The following FBXL17 variants were observed in gnomAD, a reference collection of about 807,000 sequenced individuals.
FBXL17 encodes the protein F-box/LRR-repeat protein 17.
A neutral mutation model predicts 66.2 loss-of-function variants in FBXL17; 22 were observed. The observed-to-expected ratio is 0.33, with a 90% CI of 0.24 to 0.47. The LOEUF (loss-of-function observed/expected upper bound fraction) is 0.47. Among genes scored for constraint, FBXL17 ranks in the 20% least tolerant of loss-of-function variants. FBXL17 has a pLI of 1.00. For synonymous variants in FBXL17, 474 were observed against 400.5 expected (o/e 1.18, Z -2.19); for missense variants, 878 against 948.2 (o/e 0.93, Z 0.97).
chr5:108,341,931 T>C (rs1746907401), intron 4 of FBXL17, among the ~76,000 whole-genome samples: 1 of 152,192 alleles, frequency 6.6e-6, no homozygotes, highest in South Asian at 2.1e-4. Context: ...ACTTACTATT[T>C]ATAGGATTTT....
intron 6 of FBXL17, among the ~76,000 whole-genome samples, chr5:108,170,506 A>G (rs1199178897): frequency 1.3e-5 from 2 of 152,188 alleles, no homozygotes; most frequent in African/African-American, 4.8e-5. Context: ...TTACATATAT[A>G]CCATAGAAGT....
In FBXL17 at chr5:107,980,664, A is replaced by ATATATATTTTTT; in HGVS notation, c.1822+40260_1822+40261insAAAAAATATATA. On this transcript the variant is annotated intron_variant, in intron 7 of 8. Coordinates refer to ENST00000542267, the MANE Select transcript of FBXL17 (RefSeq NM_001163315.3). ...TAAAATAATATATATATATATATAT[A>ATATATATTTTTT]TTTTTTTTTTGAGATGGAGTCTTGC... 2.1e-4 allele frequency among the ~76,000 whole-genome samples: 13 copies of ATATATATTTTTT among 62,074 alleles called. 2 individuals are homozygous for ATATATATTTTTT. The highest frequency in any genetic ancestry group is 1.1e-3 in the African/African-American group (11 of 9,752). 40.7% of individuals were successfully genotyped at this position (62,074 alleles called of 152,430 possible).
chr5:108,124,531 C>T (rs1750623304), intron 6 of FBXL17, among the ~76,000 whole-genome samples: 2 of 151,996 alleles, frequency 1.3e-5, no homozygotes, highest in African/African-American at 4.8e-5. Context: ...CATTTAAGCC[C>T]AGGAATGACT....
intron 7 of FBXL17, among the ~76,000 whole-genome samples, chr5:107,891,498 A>G (rs1027321234): frequency 1.3e-5 from 2 of 152,196 alleles, no homozygotes; most frequent in Middle Eastern, 3.2e-3. Context: ...GCAATTATCC[A>G]AGCAAGAAGT....
chr5:108,048,581 A>T (rs775939620), intron 6 of FBXL17, among the ~76,000 whole-genome samples: 3 of 152,240 alleles, frequency 2.0e-5, no homozygotes, highest in Non-Finnish European at 4.4e-5. Context: ...AGGAGCTGCT[A>T]ACTAGAATAC....
chr5:108,135,772 T>G (rs1751109489), intron 6 of FBXL17, among the ~76,000 whole-genome samples: 1 of 152,152 alleles, frequency 6.6e-6, no homozygotes, highest in African/African-American at 2.4e-5. Flanking sequence ...AGATGGTTAT[T>G]TCCTCTCCAA....
intron 4 of FBXL17, among the ~76,000 whole-genome samples, chr5:108,291,561 T>C (rs1226215714): frequency 6.6e-6 from 1 of 152,198 alleles, no homozygotes; most frequent in East Asian, 1.9e-4. Flanking sequence ...TACCCTTTCT[T>C]AGAGGAATAT....
rs183660433 is a variant in FBXL17 at position 108,343,396 on chromosome 5, G to A, written c.1506+5003C>T. Among the ~76,000 whole-genome samples the A allele has an allele frequency of 5.3e-5, 8 of 152,234 alleles. No individual in the cohort carries two copies. The East Asian group carries it at 1.5e-3, about 29-fold the overall frequency. On this transcript the variant is annotated intron_variant, in intron 4 of 8. Transcript: ENST00000542267. ...AGTATATACTCTGGATGATTTGGGA[G>A]GCTCAAGTGAGTACTTAACCCTTTG...
intron 6 of FBXL17, among the ~76,000 whole-genome samples, chr5:108,105,095 C>T (rs558094278): frequency 3.9e-5 from 6 of 152,182 alleles, no homozygotes; most frequent in Non-Finnish European, 8.8e-5. Context: ...CCCGCCTCGG[C>T]CTCCCGAAGT....
chr5:108,258,200 T>C (rs1177570672), intron 4 of FBXL17, among the ~76,000 whole-genome samples: 3 of 152,178 alleles, frequency 2.0e-5, no homozygotes, highest in Non-Finnish European at 2.9e-5. Context: ...GCCGTGGCTT[T>C]AGAAGCTCTC....
intron 7 of FBXL17, among the ~76,000 whole-genome samples, chr5:107,922,832 A>G (rs1039122832): frequency 6.6e-6 from 1 of 152,200 alleles, no homozygotes; most frequent in African/African-American, 2.4e-5. Flanking sequence ...ACAGGCCTAC[A>G]TATAAATGAT....
At chr5:108,346,792 G>C (rs1044541186) in intron 4 of FBXL17, among the ~76,000 whole-genome samples, 1 of 152,030 alleles carries the variant, frequency 6.6e-6, no homozygotes. Context: ...TTACAAATGA[G>C]GTGTAAAGAA....
At position 107,866,924 on chromosome 5, in the gene FBXL17, G is replaced by A. The variant is rs145962337; in HGVS notation, c.1966-5064C>T. On this transcript the variant is annotated intron_variant, in intron 8 of 8. Coordinates refer to ENST00000542267, the MANE Select transcript of FBXL17 (RefSeq NM_001163315.3). ...TTGCCCATTAGAATACAGGCTCTATGAGACAGATATTCTTGCTGGTTTTGT... is the reference window on the plus strand; with the variant it reads ...TTGCCCATTAGAATACAGGCTCTATAAGACAGATATTCTTGCTGGTTTTGT... 1.0e-3 allele frequency among the ~76,000 whole-genome samples: 153 copies of A among 152,240 alleles called. 1 individual carries two copies. The highest frequency in any genetic ancestry group is 3.5e-3 in the African/African-American group (147 of 41,536).
At chr5:108,258,736 CA>C (rs1453120478) in intron 4 of FBXL17, among the ~76,000 whole-genome samples, 6 of 130,108 alleles carry the variant, frequency 4.6e-5, no homozygotes, top group East Asian at 2.3e-4. Flanking sequence ...TGGCCTTTAA[CA>C]TTTTTTTTTT....
intron 6 of FBXL17, among the ~76,000 whole-genome samples, chr5:108,130,924 A>T (rs927235146): frequency 5.9e-5 from 9 of 152,106 alleles, no homozygotes; most frequent in African/African-American, 2.2e-4. Context: ...TGAAAAAGGA[A>T]GATAGAATAA....
intron 8 of FBXL17, among the ~76,000 whole-genome samples, chr5:107,865,758 T>C (rs1748253975): frequency 6.6e-6 from 1 of 152,242 alleles, no homozygotes; most frequent in Non-Finnish European, 1.5e-5. Context: ...GGGAAATTCA[T>C]GGGCTCCTAC....
At chr5:107,905,973 A>C (rs1749742182) in intron 7 of FBXL17, among the ~76,000 whole-genome samples, 1 of 152,162 alleles carries the variant, frequency 6.6e-6, no homozygotes, top group African/African-American at 2.4e-5. Context: ...CAGGAATATA[A>C]GGGCATGACC....
intron 5 of FBXL17, among the ~76,000 whole-genome samples, chr5:108,221,425 G>T (rs934726974): frequency 2.6e-5 from 4 of 152,050 alleles, no homozygotes; most frequent in East Asian, 1.9e-4. Flanking sequence ...ATTCTTCAGG[G>T]TGCAAGAAAT....
At chr5:107,873,179 G>A (rs1236410737) in intron 8 of FBXL17, among the ~76,000 whole-genome samples, 1 of 152,252 alleles carries the variant, frequency 6.6e-6, no homozygotes, top group African/African-American at 2.4e-5. Flanking sequence ...GCTGAAAGCT[G>A]ATGTAGGATC....
Sources: gnomAD v4.1 joint callset for allele counts (sites outside exome capture counted in the v4.1 genomes callset) on GRCh38, gnomAD v4.1.1 for gene constraint, MANE v1.5 for transcripts, NCBI Gene and HGNC (gene_info 2026-07-23, HGNC 2026-07-21) for gene names.